The following ERC1 variants were observed in gnomAD, a reference collection of about 807,000 sequenced individuals.
ERC1 encodes RAB6 interacting protein 2.
In ERC1, 56 loss-of-function variants were observed where a neutral mutation model predicts 132.0. The ratio of observed to expected loss-of-function variants is 0.42; its 90% CI spans 0.34 to 0.53. ERC1 has a LOEUF of 0.53. Ranked by LOEUF, ERC1 falls within the 20% of genes least tolerant of loss-of-function variation. The probability of loss-of-function intolerance (pLI) is 0.03; values close to 1 mark genes in which losing one functional copy is unlikely to be tolerated. For missense variants in ERC1, 1,202 were observed against 1,349.9 expected, an observed-to-expected ratio of 0.89 and a Z score of 1.72; for synonymous variants, 478 against 476.1, an observed-to-expected ratio of 1.00 and a Z score of -0.05.
At chr12:1,320,713 T>C (rs564870459) in intron 15 of ERC1, among the ~76,000 whole-genome samples, 1 of 152,294 alleles carries the variant, frequency 6.6e-6, no homozygotes, top group African/African-American at 2.4e-5. Flanking sequence ...GTTTTTGTTG[T>C]TTTTTTGAGA....
At chr12:1,292,427 G>A (rs1325605299) in intron 15 of ERC1, among the ~76,000 whole-genome samples, 1 of 152,130 alleles carries the variant, frequency 6.6e-6, no homozygotes, top group Non-Finnish European at 1.5e-5. Flanking sequence ...TGATTTAAAA[G>A]ATGATGTCAA....
At chr12:1,269,446 A>T (rs1470607798) in intron 14 of ERC1, among the ~76,000 whole-genome samples, 1 of 152,170 alleles carries the variant, frequency 6.6e-6, no homozygotes, top group Non-Finnish European at 1.5e-5. Flanking sequence ...TCTAAGGAAG[A>T]CTAATATGAC....
intron 2 of ERC1, among the ~76,000 whole-genome samples, chr12:1,036,303 A>G (rs1375987777): frequency 6.7e-6 from 1 of 150,220 alleles, no homozygotes; most frequent in Admixed American, 6.6e-5. Flanking sequence ...GACTATTAAC[A>G]TTTATATAAT....
chr12:1,256,124 T>A (rs185254850), intron 13 of ERC1, among the ~76,000 whole-genome samples: 2 of 152,298 alleles, frequency 1.3e-5, no homozygotes, highest in African/African-American at 4.8e-5. Context: ...TTAAGTTCTT[T>A]GTAGATTCTG....
At chr12:1,396,087 T>C (rs2090517719) in intron 16 of ERC1, among the ~76,000 whole-genome samples, 1 of 152,226 alleles carries the variant, frequency 6.6e-6, no homozygotes, top group African/African-American at 2.4e-5. Context: ...TAGAGTTCTT[T>C]TGTGAAACTA....
chr12:1,183,016 GCTTGA>G (rs1372138077), intron 10 of ERC1, among the ~76,000 whole-genome samples: 1 of 152,100 alleles, frequency 6.6e-6, no homozygotes, highest in Non-Finnish European at 1.5e-5. Flanking sequence ...CATTCACAAA[GCTTGA>G]TCTACTTTGG....
intron 8 of ERC1, among the ~76,000 whole-genome samples, chr12:1,174,450 G>C (rs995543617): frequency 6.6e-6 from 1 of 152,194 alleles, no homozygotes; most frequent in Non-Finnish European, 1.5e-5. Context: ...AAAGTAACTT[G>C]CCAAGAACTT....
At chr12:1,132,678 G>A (rs1948875082) in intron 7 of ERC1, among the ~76,000 whole-genome samples, 2 of 150,694 alleles carry the variant, frequency 1.3e-5, no homozygotes, top group African/African-American at 4.9e-5. Flanking sequence ...TGAGGGATGT[G>A]TTCCTACATA....
upstream of ERC1, chr12:990,688 C>A (rs1243041424): frequency 6.6e-6 from 1 of 152,260 alleles, no homozygotes; most frequent in East Asian, 1.9e-4. Context: ...AAAAAACCAG[C>A]TTTCTTGGGA....
chr12:1,443,355 G>A (rs2093214663), intron 17 of ERC1: 1 of 152,106 alleles, frequency 6.6e-6, no homozygotes, highest in Non-Finnish European at 1.5e-5. Flanking sequence ...AAGAAATAAA[G>A]GAACGTGGCA....
chr12:1,183,221 A>G, intron 10 of ERC1, 60 bp from the exon 11 acceptor site: 1 of 1,209,244 alleles, frequency 8.3e-7, no homozygotes, highest in Non-Finnish European at 1.1e-6. Flanking sequence ...ATAAATTTAA[A>G]AATTTAAACC....
At chr12:1,260,099 GAGTATACCGT>G (rs2077051268) in intron 13 of ERC1, among the ~76,000 whole-genome samples, 1 of 152,122 alleles carries the variant, frequency 6.6e-6, no homozygotes, top group African/African-American at 2.4e-5. Context: ...CATTTTCATA[GAGTATACCGT>G]AGTAGCTTCC....
chr12:1,019,758 G>T lies in ERC1; in HGVS notation c.-156-7990G>T, dbSNP rs542329804. On this transcript the variant is annotated intron_variant, in intron 1 of 18. Coordinates refer to ENST00000360905, the MANE Select transcript of ERC1 (RefSeq NM_178040.4). ...GACAGGGTCTTGCCATGTCATCCAC[G>T]CTGTAGTGCAGTGGAACTATCGTGG... Among the ~76,000 whole-genome samples, 6 of 152,136 alleles carry T rather than the reference G, an allele frequency of 3.9e-5. No individual in the cohort carries two copies. In the East Asian group the frequency reaches 5.8e-4, roughly 15 times the overall value.
At chr12:1,037,858 C>T (rs1010077571) in intron 2 of ERC1, among the ~76,000 whole-genome samples, 1 of 151,940 alleles carries the variant, frequency 6.6e-6, no homozygotes, top group African/African-American at 2.4e-5. Flanking sequence ...TCCTGGCTAA[C>T]ATGGTGAAAC....
chr12:997,992 C>G (rs995401423), intron 1 of ERC1, among the ~76,000 whole-genome samples: 4 of 152,182 alleles, frequency 2.6e-5, no homozygotes, highest in African/African-American at 9.7e-5. Context: ...TTGTTATCAT[C>G]ATTTAAACTT....
At chr12:1,229,180 GTCT>G (rs1463153781) in intron 12 of ERC1, among the ~76,000 whole-genome samples, 3 of 152,130 alleles carry the variant, frequency 2.0e-5, no homozygotes. Flanking sequence ...TACTGCTTTA[GTCT>G]TCTTTCTTGT....
At chr12:1,298,317 G>A (rs1359173896) in intron 15 of ERC1, among the ~76,000 whole-genome samples, 1 of 152,004 alleles carries the variant, frequency 6.6e-6, no homozygotes, top group Non-Finnish European at 1.5e-5. Flanking sequence ...CAAGGCGCAC[G>A]GATCACTTGA....
At position 1,493,783 on chromosome 12, in the gene ERC1, G is replaced by C. The variant is rs1453868195; in HGVS notation, c.*3553G>C. 4.6e-6 allele frequency: 1 copy of C among 219,432 alleles called. No homozygotes were observed. The highest frequency in any genetic ancestry group is 9.1e-6 in the Non-Finnish European group (1 of 109,780). The allele number at this position is 219,432 out of a possible 1,614,324, so 13.6% of individuals were successfully genotyped here. A position where few individuals can be genotyped will look rare whatever the true frequency, so the allele number is the denominator to read the frequency against. ...CCTCAATTTCTGTCCATTGAAGTCT[G>C]GTTTTCCATGAGGAACTTGCGGGCT... On this transcript the variant is annotated 3_prime_UTR_variant, in exon 19 of 19. Coordinates refer to ENST00000360905, the MANE Select transcript of ERC1 (RefSeq NM_178040.4).
At chr12:1,413,801 G>A (rs2091969741) in intron 17 of ERC1, among the ~76,000 whole-genome samples, 2 of 152,294 alleles carry the variant, frequency 1.3e-5, no homozygotes, top group South Asian at 2.1e-4. Context: ...CAATAGCCAT[G>A]AAGTCTTATA....
Sources: allele counts gnomAD v4.1 joint callset (sites outside exome capture counted in the v4.1 genomes callset), GRCh38; gene constraint gnomAD v4.1.1; transcripts MANE v1.5; gene names NCBI Gene and HGNC (gene_info 2026-07-23, HGNC 2026-07-21).